Variants in UBAC2 observed in about 807,000 individuals in gnomAD.
The protein encoded by UBAC2 is UBA domain containing 2.
In UBAC2, 26 loss-of-function variants were observed where a neutral mutation model predicts 44.0. The observed-to-expected ratio is 0.59, with a 90% confidence interval of 0.43 to 0.82. The LOEUF (loss-of-function observed/expected upper bound fraction) is 0.82. Among genes scored for constraint, UBAC2 ranks in the 40% least tolerant of loss-of-function variants. The pLI is 0.00. For synonymous variants in UBAC2, 155 were observed against 154.3 expected, an observed-to-expected ratio of 1.00 and a Z score of -0.04; for missense variants, 329 against 419.4, an observed-to-expected ratio of 0.78 and a Z score of 1.88.
intron 2 of UBAC2, among the ~76,000 whole-genome samples, chr13:99,242,351 C>T (rs1446837539): frequency 3.3e-5 from 5 of 149,848 alleles, no homozygotes; most frequent in East Asian, 4.1e-4. Flanking sequence ...ACCTCCCTCC[C>T]GGACGGGGCG....
At chr13:99,319,002 A>T (rs1434695339) in intron 6 of UBAC2, among the ~76,000 whole-genome samples, 1 of 152,064 alleles carries the variant, frequency 6.6e-6, no homozygotes, top group Admixed American at 6.5e-5. Flanking sequence ...AAGGAGAGAT[A>T]GTCTGCTCAT....
chr13:99,340,224 C>A (rs976099376), intron 6 of UBAC2, 96 bp from the exon 7 acceptor site: 1 of 1,359,556 alleles, frequency 7.4e-7, no homozygotes. Flanking sequence ...AGAAAAATAC[C>A]GTGTGCAGTG....
At chr13:99,288,959 T>A (rs2044055217) in intron 4 of UBAC2, among the ~76,000 whole-genome samples, 1 of 152,222 alleles carries the variant, frequency 6.6e-6, no homozygotes, top group African/African-American at 2.4e-5. Context: ...TCTTCCCCAA[T>A]GGAGTTTATG....
intron 8 of UBAC2, among the ~76,000 whole-genome samples, chr13:99,369,525 C>G (rs1438506480): frequency 6.6e-6 from 1 of 152,144 alleles, no homozygotes; most frequent in East Asian, 1.9e-4. Flanking sequence ...GTTAAGTGTT[C>G]TGAGCATCTT....
intron 1 of UBAC2, among the ~76,000 whole-genome samples, chr13:99,237,626 G>C (rs898674764): frequency 3.9e-5 from 6 of 152,202 alleles, no homozygotes; most frequent in African/African-American, 1.2e-4. Context: ...AGCTAGAAGA[G>C]AATAATTCAG....
At chr13:99,365,832 G>C (rs970817021) in intron 7 of UBAC2, among the ~76,000 whole-genome samples, 4 of 152,020 alleles carry the variant, frequency 2.6e-5, no homozygotes, top group African/African-American at 9.7e-5. Context: ...TGAGTTATAT[G>C]CTGAAAATTA....
chr13:99,340,238 G>A lies in UBAC2; in HGVS notation c.562-82G>A. On this transcript the variant is annotated intron_variant, in intron 6 of 8. Coordinates refer to ENST00000403766, the MANE Select transcript of UBAC2 (RefSeq NM_001144072.2). ...AAGAAAAATACCGTGTGCAGTGTCT[G>A]GAGGCTGCTGATTTTTGAGTCGTGT... 5 of 1,502,700 alleles carry A rather than the reference G, an allele frequency of 3.3e-6. No individual in the cohort carries two copies. In the South Asian group the frequency reaches 3.7e-5, roughly 11 times the overall value. The allele number at this position is 1,502,700 out of a possible 1,614,324, so 93.1% of individuals were successfully genotyped here.
intron 7 of UBAC2, among the ~76,000 whole-genome samples, chr13:99,360,870 C>T (rs577107127): frequency 6.6e-6 from 1 of 152,246 alleles, no homozygotes; most frequent in Admixed American, 6.5e-5. Flanking sequence ...TGCCTTCCCC[C>T]GAGGAGATGG....
At chr13:99,374,999 G>C (rs1371572181) in intron 8 of UBAC2, among the ~76,000 whole-genome samples, 1 of 152,218 alleles carries the variant, frequency 6.6e-6, no homozygotes, top group African/African-American at 2.4e-5. Context: ...TCCATTGCTT[G>C]CTCTAGTAGA....
At chr13:99,247,861 TTC>T (rs756860068) in intron 4 of UBAC2, among the ~76,000 whole-genome samples, 5 of 129,924 alleles carry the variant, frequency 3.8e-5, no homozygotes, top group Admixed American at 2.4e-4. Context: ...TCCTATTTAA[TTC>T]TCTCTCTCTC....
At chr13:99,380,222 A>G (rs754244344) in intron 8 of UBAC2, among the ~76,000 whole-genome samples, 3 of 152,224 alleles carry the variant, frequency 2.0e-5, no homozygotes, top group Non-Finnish European at 2.9e-5. Context: ...TTTTCAGATT[A>G]GGAATGCTTA....
intron 1 of UBAC2, among the ~76,000 whole-genome samples, chr13:99,209,380 C>G (rs563838553): frequency 6.6e-6 from 1 of 152,234 alleles, no homozygotes; most frequent in Non-Finnish European, 1.5e-5. Context: ...TGCAATCACT[C>G]TTGGAAAGTT....
At chr13:99,299,445 C>A (rs947164172) in intron 4 of UBAC2, among the ~76,000 whole-genome samples, 9 of 150,422 alleles carry the variant, frequency 6.0e-5, no homozygotes, top group African/African-American at 2.0e-4. Flanking sequence ...GGTAGGGAAG[C>A]AAATACACAC....
At chr13:99,311,905 C>G (rs796420668) in intron 4 of UBAC2, among the ~76,000 whole-genome samples, 1 of 152,210 alleles carries the variant, frequency 6.6e-6, no homozygotes, top group African/African-American at 2.4e-5. Flanking sequence ...GGTAGGAACC[C>G]GCTGTGCCGT....
intron 4 of UBAC2, among the ~76,000 whole-genome samples, chr13:99,287,072 A>G (rs2044027887): frequency 6.6e-6 from 1 of 152,192 alleles, no homozygotes; most frequent in Non-Finnish European, 1.5e-5. Context: ...AATGACTACC[A>G]TGTACCCATC....
intron 4 of UBAC2, chr13:99,294,599 C>T (rs3181718): frequency 0.16 from 24,982 of 153,114 alleles, 2,341 homozygotes; most frequent in Middle Eastern, 0.23. Context: ...TGACCCAGAA[C>T]GAAACAAAAC....
intron 4 of UBAC2, among the ~76,000 whole-genome samples, chr13:99,298,557 GT>G (rs1317664001): frequency 1.3e-5 from 2 of 152,060 alleles, no homozygotes; most frequent in Non-Finnish European, 1.5e-5. Flanking sequence ...TAAAATATAT[GT>G]TAAATATACA....
chr13:99,313,302 G>GCA (rs1390890580), intron 4 of UBAC2: 5 of 152,370 alleles, frequency 3.3e-5, no homozygotes, highest in African/African-American at 7.2e-5. Flanking sequence ...GGGTTTTTAA[G>GCA]CAAGGGAGTG....
intron 8 of UBAC2, among the ~76,000 whole-genome samples, chr13:99,369,326 G>A (rs1428892901): frequency 6.6e-6 from 1 of 152,156 alleles, no homozygotes; most frequent in Non-Finnish European, 1.5e-5. Flanking sequence ...CTCAGTAGAA[G>A]CCATACATCA....
Sources: allele counts gnomAD v4.1 joint callset (sites outside exome capture counted in the v4.1 genomes callset), GRCh38; gene constraint gnomAD v4.1.1; transcripts MANE v1.5; gene names NCBI Gene and HGNC (gene_info 2026-07-23, HGNC 2026-07-21).